DEPTOR: variants seen among roughly 807,000 people sequenced by gnomAD.
DEPTOR encodes the protein DEP domain containing MTOR interacting protein, also known as DEP domain-containing mTOR-interacting protein.
Under a neutral mutation model 41.6 loss-of-function variants are expected in DEPTOR, and 41 were observed. The ratio of observed to expected loss-of-function variants is 0.98; its 90% CI spans 0.77 to 1.28. The LOEUF is 1.28. Among genes scored for constraint, DEPTOR ranks in the 50% most tolerant of loss-of-function variants. The pLI is 0.00. For synonymous variants in DEPTOR, 195 were observed against 192.3 expected (o/e 1.01, Z -0.12); for missense variants, 514 against 527.9 (o/e 0.97, Z 0.26).
At chr8:119,914,063 T>A (rs1337513991) in intron 1 of DEPTOR, among the ~76,000 whole-genome samples, 1 of 152,054 alleles carries the variant, frequency 6.6e-6, no homozygotes, top group Non-Finnish European at 1.5e-5. Flanking sequence ...TTGTTCTTTT[T>A]TTTGAGAAGT....
At chr8:119,894,865 T>G (rs2129728100) in intron 1 of DEPTOR, among the ~76,000 whole-genome samples, 1 of 152,272 alleles carries the variant, frequency 6.6e-6, no homozygotes, top group African/African-American at 2.4e-5. Flanking sequence ...CTATTCAGAA[T>G]CTTTCTCAAA....
At chr8:119,952,884 C>T (rs1360798753) in intron 3 of DEPTOR, among the ~76,000 whole-genome samples, 3 of 152,142 alleles carry the variant, frequency 2.0e-5, no homozygotes, top group Non-Finnish European at 2.9e-5. Context: ...AGAAGATCCT[C>T]GTTGTCAGAC....
chr8:119,941,722 A>G (rs1238288068), intron 3 of DEPTOR, among the ~76,000 whole-genome samples: 1 of 152,238 alleles, frequency 6.6e-6, no homozygotes, highest in Non-Finnish European at 1.5e-5. Flanking sequence ...GTTCTAAACC[A>G]AGAAGATAAA....
At chr8:119,997,760 A>T (rs528870428) in intron 4 of DEPTOR, among the ~76,000 whole-genome samples, 8 of 152,214 alleles carry the variant, frequency 5.3e-5, no homozygotes, top group Non-Finnish European at 1.2e-4. Flanking sequence ...ACATATGTAG[A>T]TAATAAATAT....
intron 8 of DEPTOR, among the ~76,000 whole-genome samples, chr8:120,014,612 C>A (rs1812582161): frequency 1.3e-5 from 2 of 152,014 alleles, no homozygotes; most frequent in Admixed American, 1.3e-4. Flanking sequence ...ACTGCAACCT[C>A]CGCCTCCCGG....
At chr8:120,045,434 G>A (rs1446450270) in intron 8 of DEPTOR, among the ~76,000 whole-genome samples, 1 of 152,148 alleles carries the variant, frequency 6.6e-6, no homozygotes, top group African/African-American at 2.4e-5. Flanking sequence ...GCAGTGGCAT[G>A]ATCTTGGTTC....
intron 4 of DEPTOR, among the ~76,000 whole-genome samples, chr8:119,985,639 T>A (rs1828818936): frequency 6.6e-6 from 1 of 152,100 alleles, no homozygotes; most frequent in Non-Finnish European, 1.5e-5. Flanking sequence ...GCCTATATCC[T>A]GAATGGTCTC....
chr8:120,008,789 C>T (rs879768569), intron 7 of DEPTOR, among the ~76,000 whole-genome samples: 3 of 152,092 alleles, frequency 2.0e-5, no homozygotes, highest in Non-Finnish European at 2.9e-5. Context: ...TTGAATCATG[C>T]CCTCATGGGA....
intron 1 of DEPTOR, among the ~76,000 whole-genome samples, chr8:119,898,638 C>T (rs753401120): frequency 1.5e-4 from 22 of 151,460 alleles, no homozygotes; most frequent in Non-Finnish European, 2.8e-4. Flanking sequence ...GTGGGAGGAT[C>T]GCTGGAGCCC....
intron 3 of DEPTOR, among the ~76,000 whole-genome samples, chr8:119,931,216 T>TA (rs757397664): frequency 7.5e-4 from 112 of 149,852 alleles, no homozygotes; most frequent in Non-Finnish European, 1.3e-3. Context: ...ATCTCAAAAC[T>TA]AAAAAAAAAC....
rs1462290682 is a variant in DEPTOR at position 119,914,799 on chromosome 8, T to C, written c.123-13601T>C. The stretch of plus-strand genomic sequence containing the variant: ...CCCAAATCTATTGAATTACAAACCG[T>C]AGGAGGTGGGGCTCAGCCTTCTGTG... On this transcript the variant is annotated intron_variant, in intron 1 of 8. Transcript: ENST00000286234. 2.6e-5 allele frequency among the ~76,000 whole-genome samples: 4 copies of C among 152,214 alleles called. 1 individual carries two copies. The highest frequency in any genetic ancestry group is 4.1e-4 in the South Asian group (2 of 4,828).
At chr8:119,964,858 G>C (rs1828536649) in intron 3 of DEPTOR, among the ~76,000 whole-genome samples, 2 of 152,128 alleles carry the variant, frequency 1.3e-5, no homozygotes, top group Admixed American at 1.3e-4. Flanking sequence ...TGGATCACCT[G>C]AGGTTGGGAG....
At chr8:119,914,226 G>A (rs1429570443) in intron 1 of DEPTOR, among the ~76,000 whole-genome samples, 3 of 93,198 alleles carry the variant, frequency 3.2e-5, no homozygotes, top group African/African-American at 1.7e-4. Context: ...ATTTTTAGTA[G>A]AGACGGGGTT....
intron 4 of DEPTOR, among the ~76,000 whole-genome samples, chr8:119,977,612 G>A (rs1828712503): frequency 1.3e-5 from 2 of 152,150 alleles, no homozygotes; most frequent in South Asian, 4.1e-4. Context: ...CCAGAATGCT[G>A]TTGTAATGTA....
intron 1 of DEPTOR, among the ~76,000 whole-genome samples, chr8:119,878,053 C>A (rs1160081981): frequency 2.6e-5 from 4 of 152,120 alleles, no homozygotes; most frequent in African/African-American, 9.7e-5. Flanking sequence ...GCCTCAACGT[C>A]CCAAGTAGCT....
At chr8:120,012,778 G>A (rs931366221) in intron 8 of DEPTOR, among the ~76,000 whole-genome samples, 6 of 152,132 alleles carry the variant, frequency 3.9e-5, no homozygotes, top group Admixed American at 6.5e-5. Flanking sequence ...CTCGTGATCC[G>A]CCTGCCTCGG....
chr8:119,947,710 T>A (rs1220691568), intron 3 of DEPTOR, among the ~76,000 whole-genome samples: 1 of 152,198 alleles, frequency 6.6e-6, no homozygotes, highest in Non-Finnish European at 1.5e-5. Context: ...CTTGCTGAAC[T>A]GAAAGCACTG....
At chr8:119,900,243 C>T (rs1314154612) in intron 1 of DEPTOR, among the ~76,000 whole-genome samples, 1 of 147,946 alleles carries the variant, frequency 6.8e-6, no homozygotes, top group Admixed American at 7.0e-5. Flanking sequence ...TAGCTTGAAC[C>T]TGGGAGGTGG....
chr8:120,048,075 A>G (rs1381715902), intron 8 of DEPTOR, among the ~76,000 whole-genome samples: 1 of 151,802 alleles, frequency 6.6e-6, no homozygotes, highest in African/African-American at 2.4e-5. Context: ...TCCCTGAGCG[A>G]TGCGGAGACA....
Sources: allele counts gnomAD v4.1 joint callset (sites outside exome capture counted in the v4.1 genomes callset), GRCh38; gene constraint gnomAD v4.1.1; transcripts MANE v1.5; gene names NCBI Gene and HGNC (gene_info 2026-07-23, HGNC 2026-07-21).